RNLS: variants seen among roughly 807,000 people sequenced by gnomAD.
RNLS encodes renalase, FAD dependent amine oxidase.
Under a neutral mutation model 39.8 loss-of-function variants are expected in RNLS, and 39 were observed. The observed-to-expected ratio is 0.98, with a 90% CI of 0.76 to 1.28. RNLS has a LOEUF of 1.28. Among genes scored for constraint, RNLS ranks in the 50% most tolerant of loss-of-function variants. RNLS has a pLI of 0.00. For missense variants in RNLS, 410 were observed against 413.3 expected (o/e 0.99, Z 0.07); for synonymous variants, 147 against 150.7 (o/e 0.98, Z 0.18).
the RNLS span, among the ~76,000 whole-genome samples, chr10:88,226,738 C>CTTTTTTT: frequency 1.0e-4 from 7 of 69,470 alleles, no homozygotes; most frequent in Non-Finnish European, 7.8e-5. Flanking sequence ...TCTCCCTTCA[C>CTTTTTTT]TTTTTTTTTT....
the RNLS span, among the ~76,000 whole-genome samples, chr10:88,213,050 C>T: frequency 6.6e-6 from 1 of 152,158 alleles, no homozygotes; most frequent in East Asian, 1.9e-4. Context: ...CTCAGCCCAC[C>T]ATCGCCCTGC....
chr10:88,581,538 A>C, intron 3 of RNLS, 29 bp downstream of exon 3: 7 of 1,566,264 alleles, frequency 4.5e-6, no homozygotes, highest in Non-Finnish European at 6.0e-6. Context: ...CTAATTTTAA[A>C]ATTTAGGCAG....
the RNLS span, among the ~76,000 whole-genome samples, chr10:88,259,750 G>A: frequency 2.0e-4 from 30 of 152,064 alleles, 2 homozygotes; most frequent in South Asian, 5.8e-3. Flanking sequence ...TTTTTTTGTT[G>A]TTGTTGTTCT....
At chr10:88,310,985 A>C (rs1174664377) in intron 6 of RNLS, among the ~76,000 whole-genome samples, 2 of 152,114 alleles carry the variant, frequency 1.3e-5, no homozygotes, top group Non-Finnish European at 2.9e-5. Context: ...TTGAATATCA[A>C]TGTATTCATT....
At chr10:88,565,490 C>T (rs1291129075) in intron 4 of RNLS, among the ~76,000 whole-genome samples, 1 of 152,018 alleles carries the variant, frequency 6.6e-6, no homozygotes, top group African/African-American at 2.4e-5. Flanking sequence ...GTCTTTAGTG[C>T]CAGAGAGAAT....
At chr10:88,510,286 A>C (rs929243803) in intron 4 of RNLS, among the ~76,000 whole-genome samples, 2 of 152,154 alleles carry the variant, frequency 1.3e-5, no homozygotes, top group Non-Finnish European at 2.9e-5. Flanking sequence ...GAAAAAAAAA[A>C]TGAGGCAGAT....
chr10:88,285,286 A>G lies in RNLS; in HGVS notation c.*68T>C. 1 of 1,436,248 alleles carries G rather than the reference A, an allele frequency of 7.0e-7. No homozygotes were observed. Among genetic ancestry groups the G allele is most frequent in the Non-Finnish European group, 9.2e-7 (1 of 1,085,372 alleles). 89.0% of individuals were successfully genotyped at this position (1,436,248 alleles called of 1,614,324 possible). A position where few individuals can be genotyped will look rare whatever the true frequency, so the allele number is the denominator to read the frequency against. ...TTTTTCTTAGCAAAATAGAAAACAA[A>G]ATAATCAATAACAGAAAATTGTGAA... On this transcript the variant is annotated 3_prime_UTR_variant, in exon 7 of 7. Coordinates refer to ENST00000331772, the MANE Select transcript of RNLS (RefSeq NM_001031709.3).
chr10:88,527,005 T>C (rs1206479072), intron 4 of RNLS, among the ~76,000 whole-genome samples: 1 of 152,066 alleles, frequency 6.6e-6, no homozygotes, highest in South Asian at 2.1e-4. Flanking sequence ...ACTTGGGTTC[T>C]AGGGATCTGC....
chr10:88,209,502 C>T, the RNLS span, among the ~76,000 whole-genome samples: 1 of 152,134 alleles, frequency 6.6e-6, no homozygotes, highest in Non-Finnish European at 1.5e-5. Context: ...AGGAAGGATT[C>T]TCTTCAAGAG....
At chr10:88,336,936 C>T (rs1232697566) in intron 5 of RNLS, among the ~76,000 whole-genome samples, 6 of 151,794 alleles carry the variant, frequency 4.0e-5, no homozygotes, top group East Asian at 1.9e-4. Context: ...ATAGACTAAG[C>T]GATCAGTGGA....
chr10:88,177,484 G>A, the RNLS span, among the ~76,000 whole-genome samples: 1 of 152,228 alleles, frequency 6.6e-6, no homozygotes, highest in Non-Finnish European at 1.5e-5. Flanking sequence ...ACCATGAATT[G>A]TTTTCCTGAT....
chr10:88,361,903 C>CT (rs1564730763), intron 5 of RNLS, among the ~76,000 whole-genome samples: 1 of 152,196 alleles, frequency 6.6e-6, no homozygotes, highest in African/African-American at 2.4e-5. Flanking sequence ...CTTTCTTCAC[C>CT]TTTTTGCCTA....
chr10:88,446,196 A>T (rs1842024940), intron 4 of RNLS, among the ~76,000 whole-genome samples: 1 of 152,222 alleles, frequency 6.6e-6, no homozygotes, highest in South Asian at 2.1e-4. Context: ...AAACTGAACA[A>T]CCTGCTCCTG....
chr10:88,489,893 CCTAA>C (rs1223001580), intron 4 of RNLS, among the ~76,000 whole-genome samples: 5 of 152,106 alleles, frequency 3.3e-5, no homozygotes, highest in African/African-American at 1.2e-4. Context: ...TGACTGAACC[CCTAA>C]CTCTTTTATG....
chr10:88,568,055 A>G (rs1335323440), intron 4 of RNLS, among the ~76,000 whole-genome samples: 1 of 152,216 alleles, frequency 6.6e-6, no homozygotes, highest in East Asian at 1.9e-4. Context: ...TACCCTCTAC[A>G]ATTCAATGAC....
At chr10:88,356,018 C>CTTGCGCGGGATA (rs1849149558) in intron 5 of RNLS, among the ~76,000 whole-genome samples, 1 of 152,246 alleles carries the variant, frequency 6.6e-6, no homozygotes, top group African/African-American at 2.4e-5. Context: ...CCCTCTGATC[C>CTTGCGCGGGATA]TTGCGCGGGA....
At chr10:88,319,393 A>G (rs1029025709) in intron 5 of RNLS, among the ~76,000 whole-genome samples, 1 of 152,210 alleles carries the variant, frequency 6.6e-6, no homozygotes. Context: ...TGACACCTCC[A>G]AAGTATTTCA....
chr10:88,327,799 C>T (rs1378949526), intron 5 of RNLS, among the ~76,000 whole-genome samples: 1 of 152,182 alleles, frequency 6.6e-6, no homozygotes, highest in East Asian at 1.9e-4. Context: ...GACGGAGTTT[C>T]ACCATGTTGC....
At chr10:88,501,885 T>C (rs1232288637) in intron 4 of RNLS, among the ~76,000 whole-genome samples, 1 of 152,168 alleles carries the variant, frequency 6.6e-6, no homozygotes, top group African/African-American at 2.4e-5. Flanking sequence ...CCATATGATC[T>C]TCACTCCCTG....
Sources: allele counts gnomAD v4.1 joint callset (sites outside exome capture counted in the v4.1 genomes callset), GRCh38; gene constraint gnomAD v4.1.1; transcripts MANE v1.5; gene names NCBI Gene and HGNC (gene_info 2026-07-23, HGNC 2026-07-21).